The following DSCAM variants were observed in gnomAD, a reference collection of about 807,000 sequenced individuals.
DSCAM encodes cell adhesion molecule DSCAM.
DSCAM carries 47 observed loss-of-function variants against 217.7 expected under a neutral mutation model. That is an observed-to-expected ratio of 0.22 (90% CI 0.17 to 0.28). The LOEUF (loss-of-function observed/expected upper bound fraction) is 0.28. Ranked by LOEUF, DSCAM falls within the 10% of genes least tolerant of loss-of-function variation. The probability of loss-of-function intolerance (pLI) is 1.00; values close to 1 mark genes in which losing one functional copy is unlikely to be tolerated. For missense variants in DSCAM, 2,080 were observed against 2,618.3 expected, an observed-to-expected ratio of 0.79 and a Z score of 4.49; for synonymous variants, 1,056 against 1,015.3, an observed-to-expected ratio of 1.04 and a Z score of -0.76.
At chr21:40,629,049 GTA>G (rs1329805034) in intron 3 of DSCAM, among the ~76,000 whole-genome samples, 2 of 151,208 alleles carry the variant, frequency 1.3e-5, no homozygotes, top group Non-Finnish European at 2.9e-5. Context: ...TTTTGTGTGT[GTA>G]TGTGTGTGTA....
chr21:40,494,528 C>T (rs7410040), intron 3 of DSCAM, among the ~76,000 whole-genome samples: 4 of 151,906 alleles, frequency 2.6e-5, no homozygotes, highest in Admixed American at 6.6e-5. Flanking sequence ...TCATTTTTTA[C>T]GTCTAAATTT....
chr21:40,168,698 T>C (rs566670204), intron 15 of DSCAM, among the ~76,000 whole-genome samples: 30 of 152,240 alleles, frequency 2.0e-4, no homozygotes, highest in Admixed American at 1.5e-3. Flanking sequence ...ATCTTATAGA[T>C]AAAGGGTAGA....
chr21:40,512,092 G>C lies in DSCAM; in HGVS notation c.509-142847C>G, dbSNP rs534880596. On this transcript the variant is annotated intron_variant, in intron 3 of 32. Transcript: ENST00000400454. Reference sequence around the variant, plus strand: ...CCAATGAGAAAGGCAAGGGAGATAGGTTACACTGTTTTGCAAGAAGAGAGT... The same window carrying C: ...CCAATGAGAAAGGCAAGGGAGATAGCTTACACTGTTTTGCAAGAAGAGAGT... Among the ~76,000 whole-genome samples the C allele has an allele frequency of 2.3e-4, 35 of 151,846 alleles. No homozygotes were observed. In the South Asian group the frequency reaches 7.3e-3, roughly 32 times the overall value.
intron 30 of DSCAM, among the ~76,000 whole-genome samples, chr21:40,045,460 G>A (rs1024594302): frequency 2.6e-5 from 4 of 152,208 alleles, no homozygotes; most frequent in Admixed American, 1.3e-4. Context: ...AAGGCAGCAA[G>A]TCTATGGGGT....
intron 3 of DSCAM, among the ~76,000 whole-genome samples, chr21:40,412,585 G>C (rs368814414): frequency 1.3e-5 from 2 of 152,234 alleles, no homozygotes; most frequent in East Asian, 1.9e-4. Flanking sequence ...TATGATTTAG[G>C]GTATCTGGTG....
intron 3 of DSCAM, among the ~76,000 whole-genome samples, chr21:40,651,927 A>G (rs950460393): frequency 6.6e-6 from 1 of 152,160 alleles, no homozygotes; most frequent in African/African-American, 2.4e-5. Context: ...CCTCCTTAAT[A>G]AGGGACAGGC....
At chr21:40,421,641 G>A (rs183309845) in intron 3 of DSCAM, among the ~76,000 whole-genome samples, 151 of 152,250 alleles carry the variant, frequency 9.9e-4, no homozygotes, top group African/African-American at 3.5e-3. Context: ...TTGAATTTCC[G>A]CCATCAAGGG....
chr21:40,070,291 A>G (rs1601296393), intron 27 of DSCAM, among the ~76,000 whole-genome samples: 5 of 109,478 alleles, frequency 4.6e-5, no homozygotes, highest in South Asian at 7.5e-4. Flanking sequence ...GGAGGGAGGG[A>G]GGGAAGGAGA....
chr21:40,360,521 G>A (rs1028458795), intron 4 of DSCAM, among the ~76,000 whole-genome samples: 1 of 152,032 alleles, frequency 6.6e-6, no homozygotes, highest in African/African-American at 2.4e-5. Context: ...GTGTCCATGT[G>A]TGGTCAATAT....
At chr21:40,276,019 T>G in intron 11 of DSCAM, 78 bp downstream of exon 11, 4 of 1,421,702 alleles carry the variant, frequency 2.8e-6, no homozygotes, top group Non-Finnish European at 3.7e-6. Flanking sequence ...CAGGTATGTA[T>G]GGAGACAATT....
chr21:40,379,869 C>T (rs913681087), intron 3 of DSCAM, among the ~76,000 whole-genome samples: 3 of 152,136 alleles, frequency 2.0e-5, no homozygotes, highest in African/African-American at 4.8e-5. Context: ...TTCTTTGGAG[C>T]CTATTATGTT....
intron 1 of DSCAM, among the ~76,000 whole-genome samples, chr21:40,841,286 T>C (rs2092098863): frequency 6.6e-6 from 1 of 152,110 alleles, no homozygotes; most frequent in Non-Finnish European, 1.5e-5. Context: ...GCAGAAAACA[T>C]CCGTGTGCTC....
At chr21:40,628,432 A>C (rs888581392) in intron 3 of DSCAM, among the ~76,000 whole-genome samples, 1 of 152,174 alleles carries the variant, frequency 6.6e-6, no homozygotes, top group African/African-American at 2.4e-5. Flanking sequence ...ATCAGAATAA[A>C]CTAAGTTAAA....
At chr21:40,171,745 T>G (rs2090660529) in intron 15 of DSCAM, among the ~76,000 whole-genome samples, 1 of 152,172 alleles carries the variant, frequency 6.6e-6, no homozygotes, top group East Asian at 1.9e-4. Context: ...AAAAATTTTT[T>G]AAATTATAAA....
At chr21:40,493,749 G>A (rs1237754294) in intron 3 of DSCAM, among the ~76,000 whole-genome samples, 1 of 151,448 alleles carries the variant, frequency 6.6e-6, no homozygotes, top group Non-Finnish European at 1.5e-5. Flanking sequence ...TGTAATCCCA[G>A]CTACTCGGGA....
intron 3 of DSCAM, among the ~76,000 whole-genome samples, chr21:40,401,619 T>C (rs1181316959): frequency 3.3e-5 from 5 of 152,214 alleles, no homozygotes; most frequent in African/African-American, 1.2e-4. Flanking sequence ...CCATCAAGCG[T>C]GCAGGGACCA....
chr21:40,475,555 A>G (rs2075926428), intron 3 of DSCAM, among the ~76,000 whole-genome samples: 1 of 152,146 alleles, frequency 6.6e-6, no homozygotes, highest in Admixed American at 6.5e-5. Context: ...TCCCATACAA[A>G]ATGGTCAGCC....
intron 5 of DSCAM, among the ~76,000 whole-genome samples, chr21:40,350,542 G>A (rs1851165342): frequency 6.6e-6 from 1 of 152,082 alleles, no homozygotes; most frequent in African/African-American, 2.4e-5. Context: ...TGTTTTCAAG[G>A]AGCTCAGTCT....
Position 40,707,703 on chromosome 21 carries a change from A to C in DSCAM, c.361+751T>G, listed in dbSNP as rs1307901278. On this transcript the variant is annotated intron_variant, in intron 2 of 32. Coordinates refer to ENST00000400454, the MANE Select transcript of DSCAM (RefSeq NM_001389.5). Reference sequence around the variant, plus strand: ...CAAGTATTTCAGAGCTAGACTTAAAAAAATTAAAATGCTGTTTGCTAACAG... The same window carrying C: ...CAAGTATTTCAGAGCTAGACTTAAACAAATTAAAATGCTGTTTGCTAACAG... 2.0e-5 allele frequency among the ~76,000 whole-genome samples: 3 copies of C among 152,358 alleles called. No homozygotes were observed. In the East Asian group the frequency reaches 5.8e-4, roughly 29 times the overall value.
Sources: allele counts gnomAD v4.1 joint callset (sites outside exome capture counted in the v4.1 genomes callset), GRCh38; gene constraint gnomAD v4.1.1; transcripts MANE v1.5; gene names NCBI Gene and HGNC (gene_info 2026-07-23, HGNC 2026-07-21).